The following ATP8B1 variants were observed in gnomAD, a reference collection of about 807,000 sequenced individuals.
ATP8B1 encodes ATPase phospholipid transporting 8B1.
Under a neutral mutation model 149.9 loss-of-function variants are expected in ATP8B1, and 80 were observed. The observed-to-expected ratio is 0.53, with a 90% CI of 0.45 to 0.64. The LOEUF (loss-of-function observed/expected upper bound fraction) is 0.64. Ranked by LOEUF, ATP8B1 falls within the 30% of genes least tolerant of loss-of-function variation. The pLI is 0.00. For synonymous variants in ATP8B1, 536 were observed against 562.8 expected, an observed-to-expected ratio of 0.95 and a Z score of 0.67; for missense variants, 1,247 against 1,552.6, an observed-to-expected ratio of 0.80 and a Z score of 3.31.
At chr18:57,719,280 C>G (rs903251868) in intron 2 of ATP8B1, among the ~76,000 whole-genome samples, 2 of 152,230 alleles carry the variant, frequency 1.3e-5, no homozygotes, top group African/African-American at 4.8e-5. Flanking sequence ...ATAGGAACAG[C>G]TCCGGTCTAC....
chr18:57,704,489 GT>G (rs1913287183), intron 4 of ATP8B1, 65 bp downstream of exon 4: 1 of 1,082,964 alleles, frequency 9.2e-7, no homozygotes, highest in African/African-American at 1.6e-5. Flanking sequence ...CATTATATGT[GT>G]CTACAGCTTA....
At chr18:57,726,600 G>A (rs2079711395) in intron 2 of ATP8B1, among the ~76,000 whole-genome samples, 1 of 152,188 alleles carries the variant, frequency 6.6e-6, no homozygotes, top group African/African-American at 2.4e-5. Context: ...AAAGGAGAGT[G>A]TCTTCCTATG....
intron 2 of ATP8B1, among the ~76,000 whole-genome samples, chr18:57,715,418 T>A (rs571937574): frequency 5.6e-4 from 85 of 152,184 alleles, no homozygotes; most frequent in African/African-American, 2.0e-3. Flanking sequence ...GGCATTAAAG[T>A]GGAGGTAGAG....
intron 1 of ATP8B1, among the ~76,000 whole-genome samples, chr18:57,762,572 T>C (rs1031064228): frequency 6.6e-6 from 1 of 152,170 alleles, no homozygotes; most frequent in African/African-American, 2.4e-5. Flanking sequence ...GAATGCCCTC[T>C]TGCATTAAGT....
intron 1 of ATP8B1, among the ~76,000 whole-genome samples, chr18:57,787,590 C>T (rs1043586124): frequency 6.6e-6 from 1 of 152,170 alleles, no homozygotes; most frequent in Non-Finnish European, 1.5e-5. Flanking sequence ...TCCGCTATAC[C>T]ATTTCCTCTT....
chr18:57,795,905 A>C (rs2080510756), intron 1 of ATP8B1, among the ~76,000 whole-genome samples: 1 of 152,092 alleles, frequency 6.6e-6, no homozygotes, highest in Non-Finnish European at 1.5e-5. Flanking sequence ...GCAGTGGCTC[A>C]CACCTGTAAT....
intron 6 of ATP8B1, 52 bp from the exon 7 acceptor site, chr18:57,697,919 G>T (rs919718275): frequency 1.4e-6 from 2 of 1,449,550 alleles, no homozygotes; most frequent in African/African-American, 2.8e-5. Context: ...TACAGGCAAG[G>T]GAATTACTAT....
intron 20 of ATP8B1, 93 bp from the exon 21 acceptor site, chr18:57,662,708 A>T: frequency 7.1e-7 from 1 of 1,415,988 alleles, no homozygotes; most frequent in Non-Finnish European, 9.8e-7. Context: ...ATTGTGACAA[A>T]AAAACAAAGT....
At chr18:57,718,973 A>T (rs767814654) in intron 2 of ATP8B1, among the ~76,000 whole-genome samples, 1 of 152,240 alleles carries the variant, frequency 6.6e-6, no homozygotes, top group Non-Finnish European at 1.5e-5. Context: ...CATGTCAAGG[A>T]TGCCTACTTT....
rs1912362663 is a variant in ATP8B1 at position 57,688,384 on chromosome 18, G to C, written c.1344C>G (p.Ile448Met). 1 of 1,614,000 alleles carries C rather than the reference G, an allele frequency of 6.2e-7. No individual in the cohort carries two copies. Among genetic ancestry groups the C allele is most frequent in the Non-Finnish European group, 8.5e-7 (1 of 1,180,024 alleles). Residue 448 changes from isoleucine (I) to methionine (M), a missense_variant, in exon 13 of 28, where the codon ATC (isoleucine) becomes ATG (methionine). Ile to Met is a conservative substitution (Grantham distance 10). Transcript: ENST00000648908. ...TTTLNEQLGQ[I>M]HYIFSDKTGT... Reference sequence around the variant, plus strand: ...CCGTCTTATCAGAGAAGATATAATGGATCTGCCCGAGCTGTTCATTGAGTG... The same window carrying C: ...CCGTCTTATCAGAGAAGATATAATGCATCTGCCCGAGCTGTTCATTGAGTG...
intron 1 of ATP8B1, among the ~76,000 whole-genome samples, chr18:57,781,970 C>G (rs1306748604): frequency 1.3e-5 from 2 of 152,188 alleles, no homozygotes; most frequent in African/African-American, 2.4e-5. Context: ...ACCTGGGCAA[C>G]AGAGCGAGAA....
At chr18:57,753,714 G>A (rs1024735891) in intron 1 of ATP8B1, among the ~76,000 whole-genome samples, 1 of 151,816 alleles carries the variant, frequency 6.6e-6, no homozygotes, top group Non-Finnish European at 1.5e-5. Flanking sequence ...GATCACCTAA[G>A]GTCAGGAGTT....
intron 2 of ATP8B1, among the ~76,000 whole-genome samples, chr18:57,709,737 T>C (rs902738472): frequency 5.9e-5 from 9 of 151,894 alleles, no homozygotes; most frequent in Non-Finnish European, 8.8e-5. Context: ...TGGAGTGCAG[T>C]GGTGCGATCT....
At chr18:57,701,630 A>G (rs1214629678) in intron 4 of ATP8B1, among the ~76,000 whole-genome samples, 1 of 152,160 alleles carries the variant, frequency 6.6e-6, no homozygotes, top group African/African-American at 2.4e-5. Context: ...ATCTTTTGTG[A>G]AAATCATATT....
chr18:57,686,045 C>T (rs1293532395), intron 13 of ATP8B1, among the ~76,000 whole-genome samples: 2 of 152,056 alleles, frequency 1.3e-5, no homozygotes, highest in East Asian at 1.9e-4. Context: ...GTCAGGGGTT[C>T]GATACCAGTC....
intron 1 of ATP8B1, among the ~76,000 whole-genome samples, chr18:57,774,217 C>G (rs893123762): frequency 4.1e-5 from 4 of 98,560 alleles, no homozygotes; most frequent in African/African-American, 6.5e-5. Context: ...GGAGCCCAAT[C>G]AATCACCACC....
At position 57,702,857 on chromosome 18, in the gene ATP8B1, C is replaced by CA. The variant is rs34058171; in HGVS notation, c.394-1545dup. On this transcript the variant is annotated intron_variant, in intron 4 of 27. Coordinates refer to ENST00000648908, the MANE Select transcript of ATP8B1 (RefSeq NM_001374385.1). ...TGATAACAGGAGCGAAACTCCATCT[C>CA]AAAAAAAAAAAAAAAAGAGAGAGAG... is the stretch of plus-strand genomic sequence containing the variant. Among the ~76,000 whole-genome samples, 808 of 125,068 alleles carry CA rather than the reference C, an allele frequency of 6.5e-3. 6 individuals are homozygous for CA. Among genetic ancestry groups the CA allele is most frequent in the African/African-American group, 0.016 (549 of 33,806 alleles). The allele number at this position is 125,068 out of a possible 152,430, so 82.0% of individuals were successfully genotyped here.
intron 1 of ATP8B1, among the ~76,000 whole-genome samples, chr18:57,765,996 A>G: frequency 6.6e-6 from 1 of 151,594 alleles, no homozygotes; most frequent in Non-Finnish European, 1.5e-5. Context: ...AAATGTTAAG[A>G]TGGTAGATTG....
chr18:57,651,205 C>G (rs944059797), intron 26 of ATP8B1, among the ~76,000 whole-genome samples: 1 of 152,108 alleles, frequency 6.6e-6, no homozygotes, highest in African/African-American at 2.4e-5. Context: ...CTCCTGGGCT[C>G]AGGTGTCCTC....
Sources: gnomAD v4.1 joint callset for allele counts (sites outside exome capture counted in the v4.1 genomes callset) on GRCh38, gnomAD v4.1.1 for gene constraint, MANE v1.5 for transcripts, NCBI Gene and HGNC (gene_info 2026-07-23, HGNC 2026-07-21) for gene names.